Variants in ZNF277 observed in about 807,000 individuals in gnomAD.
ZNF277 encodes nuclear receptor-interacting factor 4.
In ZNF277, 55 loss-of-function variants were observed where a neutral mutation model predicts 60.7. The observed-to-expected ratio is 0.91, with a 90% CI of 0.73 to 1.13. The LOEUF (loss-of-function observed/expected upper bound fraction) is 1.13, where lower values mean the gene tolerates loss of function less well. Among genes scored for constraint, ZNF277 ranks in the 50% most tolerant of loss-of-function variants. The pLI is 0.00. For synonymous variants in ZNF277, 178 were observed against 179.3 expected (o/e 0.99, Z 0.06); for missense variants, 510 against 523.0 (o/e 0.98, Z 0.24).
chr7:112,239,862 A>G (rs561201547), intron 1 of ZNF277, among the ~76,000 whole-genome samples: 1 of 152,344 alleles, frequency 6.6e-6, no homozygotes, highest in South Asian at 2.1e-4. Flanking sequence ...CCAATCAAAA[A>G]TAAGTACTAC....
chr7:112,265,285 A>G (rs144961442), intron 1 of ZNF277, among the ~76,000 whole-genome samples: 1 of 152,272 alleles, frequency 6.6e-6, no homozygotes, highest in African/African-American at 2.4e-5. Context: ...CTTAAAGGCC[A>G]TTGTAGGATT....
intron 1 of ZNF277, among the ~76,000 whole-genome samples, chr7:112,222,451 G>T (rs1222717505): frequency 3.9e-5 from 6 of 152,068 alleles, no homozygotes; most frequent in Non-Finnish European, 5.9e-5. Flanking sequence ...ATTTCTTCTA[G>T]GTTATCCAAT....
chr7:112,263,342 G>A (rs988135910), intron 1 of ZNF277, among the ~76,000 whole-genome samples: 1 of 152,108 alleles, frequency 6.6e-6, no homozygotes, highest in Non-Finnish European at 1.5e-5. Flanking sequence ...TCAGAAATGT[G>A]GTAATGGAAT....
Position 112,286,857 on chromosome 7 carries a change from TTTTG to T in ZNF277, c.92-15_92-12del. On this transcript the variant is annotated splice_polypyrimidine_tract_variant and intron_variant, in intron 1 of 11. Transcript: ENST00000361822. ...TCTTTCTTTCTTTTTTTTTTTTTTT[TTTTG>T]GTCTATTCCAGACAGTAAGGATTGT... The T allele has an allele frequency of 1.8e-5, 26 of 1,464,876 alleles. No homozygotes were observed. Among genetic ancestry groups the T allele is most frequent in the Admixed American group, 5.1e-5 (2 of 38,852 alleles). 90.7% of individuals were successfully genotyped at this position (1,464,876 alleles called of 1,614,324 possible).
chr7:112,281,636 C>T (rs956105804), intron 1 of ZNF277, among the ~76,000 whole-genome samples: 2 of 152,156 alleles, frequency 1.3e-5, no homozygotes, highest in East Asian at 1.9e-4. Context: ...AGTTGGACTA[C>T]GCACAATCTC....
chr7:112,338,922 G>A (rs745568279), intron 9 of ZNF277, among the ~76,000 whole-genome samples: 2 of 152,272 alleles, frequency 1.3e-5, no homozygotes, highest in Admixed American at 6.5e-5. Flanking sequence ...TGCCATCCCA[G>A]TGAGTTAAAT....
intron 4 of ZNF277, among the ~76,000 whole-genome samples, chr7:112,307,921 T>C (rs1290390875): frequency 6.6e-6 from 1 of 152,002 alleles, no homozygotes; most frequent in African/African-American, 2.4e-5. Flanking sequence ...TATGTATTTG[T>C]CTACTAAATG....
chr7:112,323,976 G>A (rs1400814564), intron 5 of ZNF277, among the ~76,000 whole-genome samples: 13 of 152,104 alleles, frequency 8.5e-5, no homozygotes, highest in Admixed American at 7.9e-4. Flanking sequence ...GAAAGGAAAA[G>A]TACATGAAAT....
intron 2 of ZNF277, among the ~76,000 whole-genome samples, chr7:112,293,394 T>C (rs1373470644): frequency 1.3e-5 from 2 of 151,886 alleles, no homozygotes; most frequent in African/African-American, 4.8e-5. Flanking sequence ...CTGGGCAACA[T>C]GGCAAAACCC....
intron 1 of ZNF277, among the ~76,000 whole-genome samples, chr7:112,243,366 C>G (rs1478480310): frequency 1.3e-5 from 2 of 149,868 alleles, no homozygotes; most frequent in East Asian, 3.9e-4. Flanking sequence ...TGTATAGCAA[C>G]AGAAAAAATT....
chr7:112,281,759 A>G (rs1296246626), intron 1 of ZNF277, among the ~76,000 whole-genome samples: 1 of 152,218 alleles, frequency 6.6e-6, no homozygotes, highest in Non-Finnish European at 1.5e-5. Context: ...CATTCAGCAG[A>G]TATTTATCAA....
chr7:112,301,809 G>T (rs1439517938), intron 4 of ZNF277, among the ~76,000 whole-genome samples: 3 of 152,078 alleles, frequency 2.0e-5, no homozygotes, highest in Non-Finnish European at 4.4e-5. Context: ...TTAGACTGTT[G>T]TATTAACATT....
chr7:112,292,272 T>C (rs1452602015), intron 2 of ZNF277, among the ~76,000 whole-genome samples: 2 of 152,202 alleles, frequency 1.3e-5, no homozygotes, highest in Admixed American at 6.5e-5. Flanking sequence ...ATCAGGCTCC[T>C]GTTACCTCTG....
chr7:112,280,171 G>A (rs146248075), intron 1 of ZNF277, among the ~76,000 whole-genome samples: 1 of 152,230 alleles, frequency 6.6e-6, no homozygotes, highest in Non-Finnish European at 1.5e-5. Flanking sequence ...TGTCAATTAT[G>A]CTCATGGCAA....
At chr7:112,289,943 C>G (rs1020148657) in intron 2 of ZNF277, among the ~76,000 whole-genome samples, 1 of 151,778 alleles carries the variant, frequency 6.6e-6, no homozygotes, top group Non-Finnish European at 1.5e-5. Context: ...GCACATTGTG[C>G]AGGTTAGTTA....
intron 1 of ZNF277, among the ~76,000 whole-genome samples, chr7:112,248,130 T>C (rs1457854926): frequency 1.3e-5 from 2 of 152,152 alleles, no homozygotes; most frequent in East Asian, 3.9e-4. Context: ...ATTTATCTTT[T>C]GTGAAAAGTG....
chr7:112,283,166 G>C lies in ZNF277; in HGVS notation c.92-3707G>C, dbSNP rs184919804. Among the ~76,000 whole-genome samples the C allele has an allele frequency of 1.6e-4, 25 of 152,240 alleles. No homozygotes were observed. The East Asian group carries it at 4.6e-3, about 28-fold the overall frequency. On this transcript the variant is annotated intron_variant, in intron 1 of 11. Coordinates refer to ENST00000361822, the MANE Select transcript of ZNF277 (RefSeq NM_021994.3). ...TCAATGCTGTTATAATTTTGAGCAA[G>C]GTGCCAAAAAATCATTTGGGAATCA...
chr7:112,296,022 T>A (rs1792318139), intron 3 of ZNF277, 65 bp downstream of exon 3: 7 of 1,231,350 alleles, frequency 5.7e-6, no homozygotes, highest in Non-Finnish European at 8.3e-6. Flanking sequence ...ATAATCTTAC[T>A]GTCTTATATT....
At chr7:112,301,481 G>A (rs1792469564) in intron 4 of ZNF277, among the ~76,000 whole-genome samples, 1 of 152,106 alleles carries the variant, frequency 6.6e-6, no homozygotes, top group Non-Finnish European at 1.5e-5. Flanking sequence ...TGATATAGCA[G>A]TGGATAAAAC....
Sources: allele counts gnomAD v4.1 joint callset (sites outside exome capture counted in the v4.1 genomes callset), GRCh38; gene constraint gnomAD v4.1.1; transcripts MANE v1.5; gene names NCBI Gene and HGNC (gene_info 2026-07-23, HGNC 2026-07-21).